The following SLC35F4 variants were observed in gnomAD, a reference collection of about 807,000 sequenced individuals.
SLC35F4 encodes the protein chromosome 14 open reading frame 36.
In SLC35F4, 24 loss-of-function variants were observed where a neutral mutation model predicts 44.2. The ratio of observed to expected loss-of-function variants is 0.54; its 90% CI spans 0.39 to 0.76. SLC35F4 has a LOEUF of 0.76. Ranked by LOEUF, SLC35F4 falls within the 30% of genes least tolerant of loss-of-function variation. The pLI, the probability that SLC35F4 is intolerant of heterozygous loss-of-function variation, is 0.00. For missense variants in SLC35F4, 562 were observed against 586.1 expected (o/e 0.96, Z 0.42); for synonymous variants, 238 against 223.6 (o/e 1.06, Z -0.57).
At chr14:57,804,889 CA>C in intron 1 of SLC35F4, among the ~76,000 whole-genome samples, 1 of 152,002 alleles carries the variant, frequency 6.6e-6, no homozygotes, top group East Asian at 1.9e-4. Context: ...GTCTAATATC[CA>C]GAGTCTACAA....
intron 1 of SLC35F4, among the ~76,000 whole-genome samples, chr14:57,749,835 A>C (rs1236593757): frequency 1.3e-5 from 2 of 152,220 alleles, no homozygotes; most frequent in Non-Finnish European, 2.9e-5. Flanking sequence ...ATTGGAACTT[A>C]ATATTCATTC....
chr14:57,658,966 A>G (rs2074053542), intron 1 of SLC35F4, among the ~76,000 whole-genome samples: 1 of 152,168 alleles, frequency 6.6e-6, no homozygotes, highest in Admixed American at 6.6e-5. Context: ...AAAGAAGAGG[A>G]GATAAAGAGA....
At chr14:57,880,044 GGAAGGAAGGAAGGAA>G (rs1391943862) in intron 1 of SLC35F4, among the ~76,000 whole-genome samples, 1 of 3,098 alleles carries the variant, frequency 3.2e-4, no homozygotes, top group Non-Finnish European at 7.4e-4. Context: ...GAGGAAGGAA[GGAAGGAAGGAAGGAA>G]GGAAGGAAGG....
intron 1 of SLC35F4, among the ~76,000 whole-genome samples, chr14:57,797,860 T>G (rs113759470): frequency 2.0e-5 from 3 of 152,114 alleles, no homozygotes; most frequent in African/African-American, 2.4e-5. Flanking sequence ...CATCCCTTAA[T>G]CTTGGACTTG....
rs1437234205 is a variant in SLC35F4 at position 57,904,381 on chromosome 14, G to A, written n.282+77532C>T. ...TTTGTTATCCATAAAGGAAGCAAAC[G>A]GTATTCTCAGATTTCTCTTGAGTTG... On this transcript the variant is annotated intron_variant and non_coding_transcript_variant, in intron 1 of 1. Coordinates refer to the SLC35F4 transcript ENST00000556568. Among the ~76,000 whole-genome samples the A allele has an allele frequency of 5.3e-5, 8 of 152,254 alleles. No individual in the cohort carries two copies. The East Asian group carries it at 5.8e-4, about 11-fold the overall frequency.
chr14:57,643,418 A>G (rs192736135), intron 1 of SLC35F4, among the ~76,000 whole-genome samples: 35 of 152,242 alleles, frequency 2.3e-4, no homozygotes, highest in African/African-American at 7.0e-4. Context: ...ACAATAATAC[A>G]TAATAATGGC....
intron 1 of SLC35F4, among the ~76,000 whole-genome samples, chr14:57,910,079 G>A (rs899514249): frequency 3.3e-5 from 5 of 151,834 alleles, no homozygotes; most frequent in South Asian, 2.1e-4. Context: ...GTATATTTCC[G>A]TGCCATCTGT....
chr14:57,608,948 G>T (rs2071331814), intron 1 of SLC35F4, among the ~76,000 whole-genome samples: 1 of 152,152 alleles, frequency 6.6e-6, no homozygotes, highest in Admixed American at 6.6e-5. Context: ...AGGGGCAAAA[G>T]CCAGACTGGC....
chr14:57,838,601 A>G (rs911237044), intron 1 of SLC35F4, among the ~76,000 whole-genome samples: 2 of 152,328 alleles, frequency 1.3e-5, no homozygotes, highest in East Asian at 1.9e-4. Flanking sequence ...AGCTATATAT[A>G]TAAAAGCAAG....
upstream of SLC35F4, among the ~76,000 whole-genome samples, chr14:57,867,797 C>T (rs1271693389): frequency 6.6e-6 from 1 of 151,824 alleles, no homozygotes; most frequent in Non-Finnish European, 1.5e-5. Context: ...TTGATAATAG[C>T]CATCATAATC....
At chr14:57,636,090 A>G (rs1469219648) in intron 1 of SLC35F4, among the ~76,000 whole-genome samples, 1 of 152,126 alleles carries the variant, frequency 6.6e-6, no homozygotes, top group African/African-American at 2.4e-5. Context: ...ACAGCAAACC[A>G]ATGTTTGCTT....
intron 1 of SLC35F4, among the ~76,000 whole-genome samples, chr14:57,691,914 G>A (rs1341653844): frequency 6.6e-6 from 1 of 152,194 alleles, no homozygotes; most frequent in Non-Finnish European, 1.5e-5. Context: ...AGAAGAGGGT[G>A]AGGAGAGAAG....
At chr14:57,874,970 G>GAATAAATA (rs148708016) in intron 1 of SLC35F4, among the ~76,000 whole-genome samples, 10,301 of 149,760 alleles carry the variant, frequency 0.069, 641 homozygotes, top group African/African-American at 0.17. Flanking sequence ...AGAGGCAGTG[G>GAATAAATA]AATAAATAAA....
chr14:57,629,071 A>G (rs1052421528), intron 1 of SLC35F4, among the ~76,000 whole-genome samples: 8 of 152,148 alleles, frequency 5.3e-5, no homozygotes, highest in African/African-American at 1.7e-4. Flanking sequence ...GTCGGAGCTA[A>G]GGGCACCACT....
At chr14:57,750,085 C>T (rs2076847685) in intron 1 of SLC35F4, among the ~76,000 whole-genome samples, 1 of 151,854 alleles carries the variant, frequency 6.6e-6, no homozygotes, top group Non-Finnish European at 1.5e-5. Flanking sequence ...ATCCCACTCT[C>T]TATGGCCATA....
intron 1 of SLC35F4, among the ~76,000 whole-genome samples, chr14:57,891,893 C>A (rs551510435): frequency 4.8e-4 from 68 of 141,708 alleles, no homozygotes; most frequent in African/African-American, 1.8e-3. Flanking sequence ...AAAAAAGATT[C>A]TTTCTTAAGA....
chr14:57,762,988 T>C (rs2077159181), intron 1 of SLC35F4, among the ~76,000 whole-genome samples: 1 of 152,174 alleles, frequency 6.6e-6, no homozygotes, highest in African/African-American at 2.4e-5. Context: ...CCCAACACTG[T>C]AGTTTTACTG....
At chr14:57,679,899 A>C (rs912071552) in intron 1 of SLC35F4, among the ~76,000 whole-genome samples, 1 of 152,056 alleles carries the variant, frequency 6.6e-6, no homozygotes, top group African/African-American at 2.4e-5. Flanking sequence ...ACCAACCAAA[A>C]AAAGCCCAGG....
At chr14:57,816,478 GA>G (rs11289037) in intron 1 of SLC35F4, among the ~76,000 whole-genome samples, 152,169 of 152,180 alleles carry the variant, frequency 1, 76,079 homozygotes, top group Middle Eastern at 1. Context: ...ATCAACCCCT[GA>G]AAAAAAACTC....
Sources: gnomAD v4.1 joint callset for allele counts (sites outside exome capture counted in the v4.1 genomes callset) on GRCh38, gnomAD v4.1.1 for gene constraint, MANE v1.5 for transcripts, NCBI Gene and HGNC (gene_info 2026-07-23, HGNC 2026-07-21) for gene names.